CDC42BPB: variants seen among roughly 807,000 people sequenced by gnomAD.
CDC42BPB encodes the protein CDC42 binding protein kinase beta.
CDC42BPB carries 37 observed loss-of-function variants against 214.9 expected under a neutral mutation model. That is an observed-to-expected ratio of 0.17 (90% CI 0.13 to 0.23). CDC42BPB has a LOEUF of 0.23. CDC42BPB is among the 10% of genes least tolerant of loss of function. The pLI, the probability that CDC42BPB is intolerant of heterozygous loss-of-function variation, is 1.00. For missense variants in CDC42BPB, 1,694 were observed against 2,227.0 expected, an observed-to-expected ratio of 0.76 and a Z score of 4.82; for synonymous variants, 931 against 884.0, an observed-to-expected ratio of 1.05 and a Z score of -0.94.
intron 1 of CDC42BPB, among the ~76,000 whole-genome samples, chr14:103,014,143 G>A (rs2139648959): frequency 6.8e-6 from 1 of 146,526 alleles, no homozygotes; most frequent in Admixed American, 7.0e-5. Flanking sequence ...TCTAGCCTGG[G>A]CGACACAGCG....
At chr14:102,935,033 A>G (rs1377161266) in intron 36 of CDC42BPB, among the ~76,000 whole-genome samples, 2 of 151,942 alleles carry the variant, frequency 1.3e-5, no homozygotes, top group Non-Finnish European at 2.9e-5. Context: ...AAAAAAAGAA[A>G]AAAAGAAAAA....
chr14:103,021,634 C>T (rs915086088), intron 1 of CDC42BPB, among the ~76,000 whole-genome samples: 2 of 150,506 alleles, frequency 1.3e-5, no homozygotes, highest in Non-Finnish European at 1.5e-5. Flanking sequence ...GACCCGAGAT[C>T]GTGCCACTGC....
At chr14:102,972,815 A>G (rs577259468) in intron 12 of CDC42BPB, among the ~76,000 whole-genome samples, 3 of 148,680 alleles carry the variant, frequency 2.0e-5, no homozygotes, top group Middle Eastern at 3.6e-3. Flanking sequence ...GCCCAGTGTC[A>G]CCTGCACAGC....
At chr14:102,988,884 AAAAC>A (rs1379802273) in intron 5 of CDC42BPB, among the ~76,000 whole-genome samples, 10 of 151,524 alleles carry the variant, frequency 6.6e-5, no homozygotes, top group African/African-American at 9.7e-5. Flanking sequence ...AAAAAAAAAA[AAAAC>A]AAACAAACCA....
At chr14:103,037,498 C>T (rs955267378) in intron 1 of CDC42BPB, among the ~76,000 whole-genome samples, 1 of 151,950 alleles carries the variant, frequency 6.6e-6, no homozygotes, top group Non-Finnish European at 1.5e-5. Flanking sequence ...CTTGCTATGT[C>T]GCTCAGGCTT....
At chr14:103,002,869 C>CAT (rs779327286) in intron 4 of CDC42BPB, among the ~76,000 whole-genome samples, 11 of 152,150 alleles carry the variant, frequency 7.2e-5, no homozygotes, top group Non-Finnish European at 1.3e-4. Context: ...TGGGCAAACA[C>CAT]ATATATATAA....
rs559961926 is a variant in CDC42BPB at position 103,040,709 on chromosome 14, C to T, written c.175+16290G>A. Among the ~76,000 whole-genome samples the T allele has an allele frequency of 1.9e-3, 290 of 152,244 alleles. 2 individuals carry two copies. The highest frequency in any genetic ancestry group is 6.5e-3 in the African/African-American group (270 of 41,558). On this transcript the variant is annotated intron_variant, in intron 1 of 36. Transcript: ENST00000361246. ...CTAACCTCAGGTGATCCGCCCACCT[C>T]GGCCTCCCAAAGTGTTGGGATTACA...
Position 102,944,418 on chromosome 14 carries a change from A to G in CDC42BPB, c.3881T>C (p.Ile1294Thr). 5 of 1,613,034 alleles carry G rather than the reference A, an allele frequency of 3.1e-6. No homozygotes were observed. The highest frequency in any genetic ancestry group is 4.2e-6 in the Non-Finnish European group (5 of 1,179,990). Residue 1294 changes from isoleucine (I) to threonine (T), a missense_variant, in exon 30 of 37, where the codon ATC becomes ACC. Physicochemically the swap from Ile to Thr is moderately conservative, Grantham distance 89. Around this residue, in one of 7 missense-constraint regions of CDC42BPB, gnomAD observed 567 missense variants for 790.3 expected, o/e 0.72. Transcript: ENST00000361246. This position sits in a 1 kb window ranked among gnomAD's most constrained non-coding sequence, Gnocchi z 6.6. ...ATGGTGGTTCCGGCCACAGAGGAGG[A>G]TTACGATCTTCTCCCTGGGAGCAAG... is the stretch of plus-strand genomic sequence containing the variant. Reference protein sequence around the residue: ...IELAPREKIVILLCGRNHHVH... With the variant: ...IELAPREKIVTLLCGRNHHVH...
At chr14:103,000,499 A>G (rs1365061616) in intron 4 of CDC42BPB, among the ~76,000 whole-genome samples, 2 of 152,252 alleles carry the variant, frequency 1.3e-5, no homozygotes, top group East Asian at 3.8e-4. Flanking sequence ...AGACCATCAC[A>G]GCCAGAGTCA....
chr14:102,965,539 G>T (rs901588914), intron 18 of CDC42BPB, among the ~76,000 whole-genome samples: 8 of 152,094 alleles, frequency 5.3e-5, no homozygotes, highest in African/African-American at 1.9e-4. Flanking sequence ...ACTTTCGAGA[G>T]GTATCAAAGA....
intron 5 of CDC42BPB, among the ~76,000 whole-genome samples, chr14:102,989,331 G>GA (rs1461195720): frequency 6.6e-6 from 1 of 152,166 alleles, no homozygotes; most frequent in African/African-American, 2.4e-5. Flanking sequence ...TCTATGGAGG[G>GA]AAACTTACAA....
At chr14:102,991,756 C>T (rs1231988666) in intron 5 of CDC42BPB, among the ~76,000 whole-genome samples, 1 of 152,064 alleles carries the variant, frequency 6.6e-6, no homozygotes, top group African/African-American at 2.4e-5. Context: ...GTTCTTGCAA[C>T]CCTTGTATAA....
chr14:103,013,840 C>G (rs1390802698), intron 1 of CDC42BPB, among the ~76,000 whole-genome samples: 3 of 152,192 alleles, frequency 2.0e-5, no homozygotes, highest in African/African-American at 7.2e-5. Context: ...TTAAGCCCCC[C>G]ACTTTGTGGC....
At position 102,933,856 on chromosome 14, in the gene CDC42BPB, A is replaced by AGAG; in HGVS notation, c.5005-16_5005-14dup. On this transcript the variant is annotated splice_polypyrimidine_tract_variant and intron_variant, in intron 36 of 36. Transcript: ENST00000361246. ...AGTCCGAATCAGGCTGTGAACAGGA[A>AGAG]GAGGGCAGGGTGAGCACCCGCTGCC... 1.3e-6 allele frequency: 2 copies of AGAG among 1,514,408 alleles called. No homozygotes were observed. Among genetic ancestry groups the AGAG allele is most frequent in the Non-Finnish European group, 8.8e-7 (1 of 1,138,360 alleles). 93.8% of individuals were successfully genotyped at this position (1,514,408 alleles called of 1,614,324 possible).
chr14:103,044,015 C>T lies in CDC42BPB; in HGVS notation c.175+12984G>A, dbSNP rs150485453. 3.9e-3 allele frequency among the ~76,000 whole-genome samples: 595 copies of T among 152,238 alleles called. 3 individuals carry two copies. The highest frequency in any genetic ancestry group is 0.012 in the African/African-American group (501 of 41,542). On this transcript the variant is annotated intron_variant, in intron 1 of 36. Transcript: ENST00000361246. The stretch of plus-strand genomic sequence containing the variant: ...TATAATATCAATGCCATCCCTGACA[C>T]CTTAATTAACTGGTAAAACTGGAAA...
At chr14:102,949,391 C>T (rs765856705) in intron 26 of CDC42BPB, among the ~76,000 whole-genome samples, 4 of 152,100 alleles carry the variant, frequency 2.6e-5, no homozygotes, top group Non-Finnish European at 5.9e-5. Flanking sequence ...GCACCTGCTG[C>T]GGTCTCTAAA....
intron 4 of CDC42BPB, among the ~76,000 whole-genome samples, chr14:103,002,680 G>A (rs1373532942): frequency 1.3e-5 from 2 of 152,132 alleles, no homozygotes; most frequent in Admixed American, 6.6e-5. Flanking sequence ...CTGGGGCTGG[G>A]TCTTGGTCAC....
chr14:102,937,582 G>A (rs747457280), intron 36 of CDC42BPB, among the ~76,000 whole-genome samples: 5 of 151,544 alleles, frequency 3.3e-5, no homozygotes, highest in Non-Finnish European at 4.4e-5. Context: ...GCAGCTCCTC[G>A]CCTCCCTCGA....
chr14:103,047,534 C>A (rs982376811), intron 1 of CDC42BPB, among the ~76,000 whole-genome samples: 2 of 152,124 alleles, frequency 1.3e-5, no homozygotes, highest in Non-Finnish European at 2.9e-5. Flanking sequence ...TCCATGCTTT[C>A]AAACTTCTGA....
Sources: allele counts gnomAD v4.1 joint callset (sites outside exome capture counted in the v4.1 genomes callset), GRCh38; gene constraint gnomAD v4.1.1; regional missense constraint gnomAD v4.1.1; non-coding constraint Gnocchi (gnomAD v3.1); transcripts MANE v1.5; gene names NCBI Gene and HGNC (gene_info 2026-07-23, HGNC 2026-07-21).